The following ELOB variants were observed in gnomAD, a reference collection of about 807,000 sequenced individuals.
ELOB encodes elongin B.
In ELOB, 3 loss-of-function variants were observed where a neutral mutation model predicts 12.9. The observed-to-expected ratio is 0.23, with a 90% CI of 0.11 to 0.60. The LOEUF (loss-of-function observed/expected upper bound fraction) is 0.60. Among genes scored for constraint, ELOB ranks in the 20% least tolerant of loss-of-function variants. ELOB has a pLI of 0.89. For missense variants in ELOB, 126 were observed against 159.2 expected, an observed-to-expected ratio of 0.79 and a Z score of 1.12; for synonymous variants, 84 against 67.4, an observed-to-expected ratio of 1.25 and a Z score of -1.21.
At chr16:2,776,005 C>G (rs1018043483) in intron 2 of ELOB, among the ~76,000 whole-genome samples, 1 of 152,202 alleles carries the variant, frequency 6.6e-6, no homozygotes, top group Admixed American at 6.5e-5. Context: ...ATTCTCCTGC[C>G]TCAGCCTTCA....
At chr16:2,774,351 T>C (rs989269443) in intron 3 of ELOB, among the ~76,000 whole-genome samples, 11 of 152,266 alleles carry the variant, frequency 7.2e-5, no homozygotes, top group Non-Finnish European at 1.5e-4. Context: ...GCTCTGAAGC[T>C]TCCCATCTGT....
In ELOB at chr16:2,771,719, G is replaced by T. The variant is rs535578868; in HGVS notation, c.*271C>A. On this transcript the variant is annotated 3_prime_UTR_variant, in exon 4 of 4. Coordinates refer to ENST00000409906, the MANE Select transcript of ELOB (RefSeq NM_007108.4). Reference sequence around the variant, plus strand: ...AGTCCTTCCCTTTCCTCCCCCTGGCGTGGTTGGTGTGGCTGGCTAGCTGCT... The same window carrying T: ...AGTCCTTCCCTTTCCTCCCCCTGGCTTGGTTGGTGTGGCTGGCTAGCTGCT... 8 of 1,551,132 alleles carry T rather than the reference G, an allele frequency of 5.2e-6. No homozygotes were observed. The highest frequency in any genetic ancestry group is 2.4e-4 in the Middle Eastern group (1 of 4,200).
intron 3 of ELOB, chr16:2,772,366 G>GA: frequency 3.6e-6 from 1 of 281,652 alleles, no homozygotes; most frequent in Admixed American, 4.9e-5. Flanking sequence ...CATCTTCCAT[G>GA]TCCACTAGTG....
intron 3 of ELOB, among the ~76,000 whole-genome samples, chr16:2,774,361 T>C (rs1310277031): frequency 6.6e-6 from 1 of 152,238 alleles, no homozygotes; most frequent in East Asian, 1.9e-4. Flanking sequence ...TTCCCATCTG[T>C]TGGGCACTGG....
At position 2,771,519 on chromosome 16, in the gene ELOB, C is replaced by T. The variant is rs554461759; in HGVS notation, c.*471G>A. On this transcript the variant is annotated 3_prime_UTR_variant, in exon 4 of 4. Transcript: ENST00000409906. ...ACCTGTGTGGGTCCGTCTTGGGGTT[C>T]CCTCGTTGAACATGCTGTCAAACCA... is the stretch of plus-strand genomic sequence containing the variant. The T allele has an allele frequency of 6.2e-6, 10 of 1,614,216 alleles. No individual in the cohort carries two copies. The African/African-American group carries it at 8.0e-5, about 13-fold the overall frequency.
At position 2,771,689 on chromosome 16, in the gene ELOB, CTCCCAGTCCT is replaced by C. The variant is rs2068753404; in HGVS notation, c.*291_*300del. On this transcript the variant is annotated 3_prime_UTR_variant, in exon 4 of 4. Coordinates refer to ENST00000409906, the MANE Select transcript of ELOB (RefSeq NM_007108.4). ...GAGGCTGGCTCTGGTCTTTGTGTCT[CTCCCAGTCCT>C]TCCCTTTCCTCCCCCTGGCGTGGTT... The C allele has an allele frequency of 8.2e-6, 13 of 1,590,496 alleles. No individual in the cohort carries two copies. Among genetic ancestry groups the C allele is most frequent in the Non-Finnish European group, 9.4e-6 (11 of 1,169,106 alleles).
chr16:2,776,502 T>G (rs1039397720), intron 2 of ELOB, among the ~76,000 whole-genome samples: 4 of 151,900 alleles, frequency 2.6e-5, no homozygotes, highest in Non-Finnish European at 5.9e-5. Flanking sequence ...GGTCGGGAGG[T>G]AATAACAAAC....
chr16:2,774,509 C>T (rs1406681793), intron 3 of ELOB, among the ~76,000 whole-genome samples: 1 of 152,240 alleles, frequency 6.6e-6, no homozygotes, highest in Non-Finnish European at 1.5e-5. Context: ...GAGGATATAG[C>T]TGCTGAGACT....
chr16:2,773,589 AGT>A (rs1056705005), intron 3 of ELOB, among the ~76,000 whole-genome samples: 3 of 152,164 alleles, frequency 2.0e-5, no homozygotes, highest in Admixed American at 6.5e-5. Context: ...TGCACCCAGA[AGT>A]GTGTTTCTGC....
At chr16:2,773,620 C>T (rs1262278169) in intron 3 of ELOB, among the ~76,000 whole-genome samples, 1 of 152,162 alleles carries the variant, frequency 6.6e-6, no homozygotes. Flanking sequence ...CATGGGGAAG[C>T]AAAGAGCTGA....
Position 2,771,526 on chromosome 16 carries a change from TG to T in ELOB, c.*463del. The T allele has an allele frequency of 6.2e-7, 1 of 1,614,182 alleles. No individual in the cohort carries two copies. The highest frequency in any genetic ancestry group is 8.5e-7 in the Non-Finnish European group (1 of 1,180,028). On this transcript the variant is annotated 3_prime_UTR_variant, in exon 4 of 4. Transcript: ENST00000409906. ...TGGGTCCGTCTTGGGGTTCCCTCGTTGAACATGCTGTCAAACCAGGACACTG... is the reference window on the plus strand; with the variant it reads ...TGGGTCCGTCTTGGGGTTCCCTCGTTAACATGCTGTCAAACCAGGACACTG...
rs373542018 is a variant in ELOB at position 2,777,136 on chromosome 16, G to A, written c.4-9C>T. The A allele has an allele frequency of 1.0e-5, 15 of 1,500,420 alleles. No individual in the cohort carries two copies. Among genetic ancestry groups the A allele is most frequent in the Non-Finnish European group, 1.3e-5 (15 of 1,118,564 alleles). The allele number at this position is 1,500,420 out of a possible 1,614,324, so 92.9% of individuals were successfully genotyped here. Reference sequence around the variant, plus strand: ...ATCATGAGGAACACGTCCTGGGGGCGGCGGGCCGGCGTGAGCACGAAGCCC... The same window carrying A: ...ATCATGAGGAACACGTCCTGGGGGCAGCGGGCCGGCGTGAGCACGAAGCCC... On this transcript the variant is annotated splice_polypyrimidine_tract_variant and intron_variant, in intron 1 of 3. Coordinates refer to ENST00000409906, the MANE Select transcript of ELOB (RefSeq NM_007108.4).
chr16:2,774,099 A>C (rs2068785284), intron 3 of ELOB, among the ~76,000 whole-genome samples: 1 of 152,162 alleles, frequency 6.6e-6, no homozygotes, highest in African/African-American at 2.4e-5. Flanking sequence ...GCGTGGTGGC[A>C]CATGCCTGTA....
In ELOB at chr16:2,772,028, C is replaced by T; in HGVS notation, c.319G>A (p.Asp107Asn). 3 of 1,613,430 alleles carry T rather than the reference C, an allele frequency of 1.9e-6. No homozygotes were observed. Among genetic ancestry groups the T allele is most frequent in the Non-Finnish European group, 2.5e-6 (3 of 1,179,720 alleles). Reference sequence around the variant, plus strand: ...TGTTCATTGGCACTGCTTCCCGAGTCCTGGGGCTTCATCACATCGGGCAGC... The same window carrying T: ...TGTTCATTGGCACTGCTTCCCGAGTTCTGGGGCTTCATCACATCGGGCAGC... The part of the protein sequence containing the change: ...PELPDVMKPQ[D>N]SGSSANEQAV... The change falls in exon 4 of 4, where the codon GAC becomes AAC. Residue 107 changes from aspartate (D) to asparagine (N), a missense_variant. Transcript: ENST00000409906.
rs757895273 is a variant in ELOB at position 2,775,605 on chromosome 16, C to G, written c.139-49G>C. 4.7e-6 allele frequency: 7 copies of G among 1,500,800 alleles called. No homozygotes were observed. In the East Asian group the frequency reaches 1.1e-4, roughly 24 times the overall value. The allele number at this position is 1,500,800 out of a possible 1,614,324, so 93.0% of individuals were successfully genotyped here. On this transcript the variant is annotated intron_variant, in intron 2 of 3. Transcript: ENST00000409906. ...GGAGAGGCCCTACATGGGGCAAGTC[C>G]CAAAGACTTCTGACCAGCAACTACA...
intron 2 of ELOB, 38 bp downstream of exon 2, chr16:2,776,955 C>G: frequency 6.5e-7 from 1 of 1,536,176 alleles, no homozygotes. Flanking sequence ...TGCCCGGCGC[C>G]GGGTACCCGC....
chr16:2,772,127 A>T (rs1473585989), intron 3 of ELOB, 25 bp from the exon 4 acceptor site: 1 of 1,570,288 alleles, frequency 6.4e-7, no homozygotes, highest in Non-Finnish European at 8.6e-7. Context: ...GCAGAGCTGC[A>T]GGGGGGTATT....
intron 2 of ELOB, 24 bp downstream of exon 2, chr16:2,776,969 C>T (rs996366038): frequency 1.1e-5 from 17 of 1,547,584 alleles, no homozygotes; most frequent in Non-Finnish European, 1.4e-5. Flanking sequence ...TACCCGCTCC[C>T]CTCGGCCCGC....
chr16:2,776,380 G>C (rs2068800195), intron 2 of ELOB, among the ~76,000 whole-genome samples: 1 of 152,136 alleles, frequency 6.6e-6, no homozygotes, highest in Admixed American at 6.5e-5. Flanking sequence ...ACGTAAATCA[G>C]AGGCTGATGC....
Sources: gnomAD v4.1 joint callset for allele counts (sites outside exome capture counted in the v4.1 genomes callset) on GRCh38, gnomAD v4.1.1 for gene constraint, MANE v1.5 for transcripts, NCBI Gene and HGNC (gene_info 2026-07-23, HGNC 2026-07-21) for gene names.